The following UBE2E2 variants were observed in gnomAD, a reference collection of about 807,000 sequenced individuals.
UBE2E2 encodes ubiquitin-conjugating enzyme E2 E2.
UBE2E2 carries 6 observed loss-of-function variants against 24.7 expected under a neutral mutation model. The observed-to-expected ratio is 0.24, with a 90% CI of 0.13 to 0.48. The LOEUF (loss-of-function observed/expected upper bound fraction) is 0.48. UBE2E2 is among the 20% of genes least tolerant of loss of function. The pLI is 0.99. For synonymous variants in UBE2E2, 104 were observed against 83.6 expected, an observed-to-expected ratio of 1.24 and a Z score of -1.33; for missense variants, 169 against 245.0, an observed-to-expected ratio of 0.69 and a Z score of 2.07.
At chr3:23,371,514 A>C (rs1696398120) in intron 3 of UBE2E2, among the ~76,000 whole-genome samples, 1 of 152,184 alleles carries the variant, frequency 6.6e-6, no homozygotes, top group Admixed American at 6.5e-5. Flanking sequence ...TTAATTATTG[A>C]CATCCTTGAA....
At chr3:23,562,442 T>C (rs1421722106) in intron 5 of UBE2E2, among the ~76,000 whole-genome samples, 1 of 152,182 alleles carries the variant, frequency 6.6e-6, no homozygotes, top group African/African-American at 2.4e-5. Flanking sequence ...GTGGATAAGC[T>C]TTTTGATGTG....
In UBE2E2 at chr3:23,530,596, G is replaced by C. The variant is rs531151358; in HGVS notation, c.361-1958G>C. ...ACACAGTATATGTATCTAGGATTTA[G>C]AATTCTCAGGAAAAACATTTCTCTT... On this transcript the variant is annotated intron_variant, in intron 4 of 5. Coordinates refer to ENST00000396703, the MANE Select transcript of UBE2E2 (RefSeq NM_152653.4). Among the ~76,000 whole-genome samples, 58 of 152,216 alleles carry C rather than the reference G, an allele frequency of 3.8e-4. 1 individual carries two copies. Among genetic ancestry groups the C allele is most frequent in the Admixed American group, 3.7e-3 (57 of 15,272 alleles).
At position 23,571,942 on chromosome 3, in the gene UBE2E2, T is replaced by A. The variant is rs9829336; in HGVS notation, c.509-17792T>A. 1.2e-3 allele frequency among the ~76,000 whole-genome samples: 184 copies of A among 152,268 alleles called. 2 individuals carry two copies. Among genetic ancestry groups the A allele is most frequent in the African/African-American group, 4.0e-3 (165 of 41,560 alleles). On this transcript the variant is annotated intron_variant, in intron 5 of 5. Coordinates refer to ENST00000396703, the MANE Select transcript of UBE2E2 (RefSeq NM_152653.4). ...CAAACGTCCTTTCTCTTCTTTTTCA[T>A]GTTTTATGTTGGACTCCTGGAGCTG...
At chr3:23,588,085 A>T (rs563067841) in intron 5 of UBE2E2, among the ~76,000 whole-genome samples, 29 of 152,322 alleles carry the variant, frequency 1.9e-4, no homozygotes, top group Admixed American at 1.6e-3. Flanking sequence ...TATTGAGAAC[A>T]TATGACCATG....
At chr3:23,354,412 C>T (rs1315705034) in intron 3 of UBE2E2, among the ~76,000 whole-genome samples, 6 of 152,148 alleles carry the variant, frequency 3.9e-5, no homozygotes, top group Non-Finnish European at 7.3e-5. Flanking sequence ...AGCTTCTGCA[C>T]AGCAAAAGAA....
At chr3:23,395,888 T>A (rs1232735590) in intron 3 of UBE2E2, among the ~76,000 whole-genome samples, 1 of 152,170 alleles carries the variant, frequency 6.6e-6, no homozygotes. Context: ...GATTATAGCT[T>A]CACTAAATAT....
intron 3 of UBE2E2, among the ~76,000 whole-genome samples, chr3:23,463,869 CAAAGG>C (rs970812269): frequency 3.9e-5 from 6 of 152,090 alleles, no homozygotes; most frequent in Admixed American, 3.9e-4. Context: ...GTCTTCCACT[CAAAGG>C]AATTAGAGGA....
chr3:23,382,178 A>AT (rs10645761), intron 3 of UBE2E2, among the ~76,000 whole-genome samples: 33,533 of 109,302 alleles, frequency 0.31, 6,406 homozygotes, highest in African/African-American at 0.38. Context: ...GAATACTTTA[A>AT]TTTTTTTTTT....
chr3:23,286,749 C>T lies in UBE2E2; in HGVS notation c.227+69437C>T, dbSNP rs115884349. 4.3e-3 allele frequency among the ~76,000 whole-genome samples: 653 copies of T among 152,106 alleles called. 6 individuals are homozygous for T. The highest frequency in any genetic ancestry group is 0.015 in the African/African-American group (602 of 41,478). ...TGTAGATTGCCTTCAGTAGTATGGACGTTTTAACAGTATTGATTCTTCCAA... is the reference window on the plus strand; with the variant it reads ...TGTAGATTGCCTTCAGTAGTATGGATGTTTTAACAGTATTGATTCTTCCAA... On this transcript the variant is annotated intron_variant, in intron 3 of 5. Coordinates refer to ENST00000396703, the MANE Select transcript of UBE2E2 (RefSeq NM_152653.4).
intron 3 of UBE2E2, among the ~76,000 whole-genome samples, chr3:23,236,293 T>C (rs1032355506): frequency 6.6e-6 from 1 of 152,166 alleles, no homozygotes; most frequent in African/African-American, 2.4e-5. Context: ...AAAGACTATT[T>C]AGTGGCATTG....
At chr3:23,365,848 C>T (rs1005338018) in intron 3 of UBE2E2, among the ~76,000 whole-genome samples, 18 of 152,136 alleles carry the variant, frequency 1.2e-4, no homozygotes, top group African/African-American at 3.9e-4. Flanking sequence ...CATCACATTA[C>T]CCAACTTCAA....
chr3:23,270,796 T>C (rs1698219450), intron 3 of UBE2E2, among the ~76,000 whole-genome samples: 1 of 152,240 alleles, frequency 6.6e-6, no homozygotes, highest in African/African-American at 2.4e-5. Flanking sequence ...TGTTTAACAG[T>C]TTCAGGAATT....
intron 3 of UBE2E2, among the ~76,000 whole-genome samples, chr3:23,459,927 A>G (rs533099742): frequency 2.0e-5 from 3 of 152,228 alleles, no homozygotes; most frequent in Admixed American, 6.5e-5. Context: ...TTATGCCAAC[A>G]GTTCTCTTAT....
intron 3 of UBE2E2, among the ~76,000 whole-genome samples, chr3:23,353,548 C>G (rs893497458): frequency 1.7e-4 from 26 of 152,170 alleles, no homozygotes; most frequent in African/African-American, 6.0e-4. Flanking sequence ...TCTCAGGATA[C>G]AAAATCAATG....
chr3:23,581,188 G>T (rs907462289), intron 5 of UBE2E2, among the ~76,000 whole-genome samples: 2 of 152,060 alleles, frequency 1.3e-5, no homozygotes, highest in Non-Finnish European at 2.9e-5. Context: ...CTCCAGAGTA[G>T]CTGGGACTAT....
intron 3 of UBE2E2, among the ~76,000 whole-genome samples, chr3:23,482,923 G>T (rs935578053): frequency 2.0e-5 from 3 of 152,186 alleles, no homozygotes; most frequent in Admixed American, 1.3e-4. Flanking sequence ...CTAACTGAAT[G>T]TTATTATATA....
rs1020885486 is a variant in UBE2E2, at chr3:23,298,197, C to T, written c.227+80885C>T. ...TTGAGGAGATTTTGGGCTGAGACAGCGGGATTTTCTAGATATACAATCATG... is the reference window on the plus strand; with the variant it reads ...TTGAGGAGATTTTGGGCTGAGACAGTGGGATTTTCTAGATATACAATCATG... On this transcript the variant is annotated intron_variant, in intron 3 of 5. Transcript: ENST00000396703. Among the ~76,000 whole-genome samples the T allele has an allele frequency of 3.1e-3, 478 of 151,952 alleles. 4 individuals are homozygous for T. Among genetic ancestry groups the T allele is most frequent in the African/African-American group, 9.8e-3 (406 of 41,506 alleles).
intron 3 of UBE2E2, among the ~76,000 whole-genome samples, chr3:23,479,252 T>C (rs1201453187): frequency 2.0e-5 from 3 of 152,124 alleles, no homozygotes; most frequent in Admixed American, 2.0e-4. Context: ...AATCATGGAA[T>C]CTAGTCACTG....
intron 3 of UBE2E2, among the ~76,000 whole-genome samples, chr3:23,272,398 C>A (rs1698268416): frequency 6.7e-6 from 1 of 149,648 alleles, no homozygotes; most frequent in African/African-American, 2.4e-5. Flanking sequence ...TCCACACCTC[C>A]CCGCAAGCAG....
Sources: gnomAD v4.1 joint callset for allele counts (sites outside exome capture counted in the v4.1 genomes callset) on GRCh38, gnomAD v4.1.1 for gene constraint, MANE v1.5 for transcripts, NCBI Gene and HGNC (gene_info 2026-07-23, HGNC 2026-07-21) for gene names.